Variants in SGCD observed in about 807,000 individuals in gnomAD.
SGCD encodes the protein sarcoglycan delta, also known as delta-sarcoglycan.
In SGCD, 18 loss-of-function variants were observed where a neutral mutation model predicts 36.6. The ratio of observed to expected loss-of-function variants is 0.49; its 90% CI spans 0.34 to 0.73. The LOEUF is 0.73. SGCD is among the 30% of genes least tolerant of loss of function. The probability of loss-of-function intolerance (pLI) is 0.01; values close to 1 mark genes in which losing one functional copy is unlikely to be tolerated. For synonymous variants in SGCD, 133 were observed against 130.6 expected (o/e 1.02, Z -0.12); for missense variants, 387 against 346.7 (o/e 1.12, Z -0.92).
intron 3 of SGCD, among the ~76,000 whole-genome samples, chr5:156,476,171 T>C (rs985873383): frequency 6.6e-6 from 1 of 152,158 alleles, no homozygotes; most frequent in Non-Finnish European, 1.5e-5. Context: ...TCTGGGGGTA[T>C]AGGAGAATAG....
chr5:156,501,830 C>G (rs950598569), intron 3 of SGCD, among the ~76,000 whole-genome samples: 1 of 152,162 alleles, frequency 6.6e-6, no homozygotes, highest in Non-Finnish European at 1.5e-5. Flanking sequence ...GGAGCCTGGC[C>G]TCCTCCTTCT....
At chr5:155,901,875 G>A (rs1424574885) in intron 1 of SGCD, among the ~76,000 whole-genome samples, 2 of 152,124 alleles carry the variant, frequency 1.3e-5, no homozygotes, top group Non-Finnish European at 2.9e-5. Context: ...CCACTTCATA[G>A]ATCAAGAACA....
chr5:155,847,705 C>T, the SGCD span, among the ~76,000 whole-genome samples: 6 of 152,122 alleles, frequency 3.9e-5, no homozygotes, highest in East Asian at 1.9e-4. Flanking sequence ...CTTGGAAAGG[C>T]GAAAGAGAGA....
At chr5:156,582,757 C>G (rs1238689169) in intron 4 of SGCD, among the ~76,000 whole-genome samples, 1 of 152,208 alleles carries the variant, frequency 6.6e-6, no homozygotes, top group Non-Finnish European at 1.5e-5. Context: ...TCAAGCCCGT[C>G]TCCCCACTAT....
intron 7 of SGCD, among the ~76,000 whole-genome samples, chr5:156,653,812 G>C (rs1023485087): frequency 1.3e-5 from 2 of 151,956 alleles, no homozygotes; most frequent in African/African-American, 4.8e-5. Flanking sequence ...TTAGCACTGG[G>C]CCAGTCTTAC....
At chr5:156,678,959 G>GT (rs561791991) in intron 7 of SGCD, among the ~76,000 whole-genome samples, 7 of 151,926 alleles carry the variant, frequency 4.6e-5, no homozygotes, top group Non-Finnish European at 7.4e-5. Flanking sequence ...GCAAATCAAT[G>GT]TTTTTTTTCT....
At chr5:156,074,487 G>A (rs1191318178) in intron 1 of SGCD, among the ~76,000 whole-genome samples, 1 of 151,964 alleles carries the variant, frequency 6.6e-6, no homozygotes, top group Non-Finnish European at 1.5e-5. Flanking sequence ...TTAGAAATCA[G>A]CCTGGACAGC....
intron 7 of SGCD, among the ~76,000 whole-genome samples, chr5:156,725,645 G>A (rs1309761282): frequency 2.0e-5 from 3 of 152,170 alleles, no homozygotes; most frequent in African/African-American, 7.2e-5. Flanking sequence ...GTGGCCAACA[G>A]AGATTGGCCA....
At chr5:156,297,672 A>G (rs1766931686) in intron 3 of SGCD, among the ~76,000 whole-genome samples, 1 of 151,328 alleles carries the variant, frequency 6.6e-6, no homozygotes. Flanking sequence ...TAGCATCGGG[A>G]GATATACCTA....
intron 6 of SGCD, among the ~76,000 whole-genome samples, chr5:156,595,513 T>A (rs1482229124): frequency 2.6e-5 from 4 of 152,218 alleles, no homozygotes. Flanking sequence ...TTTCCTGGAT[T>A]CTTTTAAAGC....
At chr5:156,525,396 C>A (rs569286516) in intron 4 of SGCD, among the ~76,000 whole-genome samples, 1 of 152,144 alleles carries the variant, frequency 6.6e-6, no homozygotes, top group South Asian at 2.1e-4. Context: ...TATTCAGGTT[C>A]TTTGCCAAGT....
chr5:156,098,688 T>C (rs979712551), intron 1 of SGCD, among the ~76,000 whole-genome samples: 5 of 152,208 alleles, frequency 3.3e-5, no homozygotes, highest in South Asian at 2.1e-4. Flanking sequence ...TCTCCTCTTA[T>C]AAAGTTTGTA....
the SGCD span, among the ~76,000 whole-genome samples, chr5:155,777,432 C>T: frequency 2.6e-5 from 4 of 150,948 alleles, no homozygotes; most frequent in African/African-American, 4.9e-5. Flanking sequence ...TTATTGTTCA[C>T]TGCAACTTCT....
chr5:156,385,780 G>A (rs530019301), intron 3 of SGCD, among the ~76,000 whole-genome samples: 1 of 152,318 alleles, frequency 6.6e-6, no homozygotes, highest in South Asian at 2.1e-4. Context: ...CAGAGTGATG[G>A]ATTTAGATGC....
intron 3 of SGCD, among the ~76,000 whole-genome samples, chr5:156,187,775 G>T (rs1763798744): frequency 6.6e-6 from 1 of 152,070 alleles, no homozygotes; most frequent in African/African-American, 2.4e-5. Context: ...GATGGAACTG[G>T]CCAGAGATGA....
chr5:156,283,374 A>G (rs1766507551), intron 3 of SGCD, among the ~76,000 whole-genome samples: 1 of 152,220 alleles, frequency 6.6e-6, no homozygotes, highest in Non-Finnish European at 1.5e-5. Flanking sequence ...CAGAATGATA[A>G]CACTGAAGTT....
At chr5:155,808,683 A>G in the SGCD span, among the ~76,000 whole-genome samples, 2 of 152,250 alleles carry the variant, frequency 1.3e-5, no homozygotes, top group African/African-American at 4.8e-5. Flanking sequence ...TTATCTAGCC[A>G]ATGGATTATT....
intron 1 of SGCD, among the ~76,000 whole-genome samples, chr5:155,989,611 C>A (rs1758394147): frequency 6.6e-6 from 1 of 152,068 alleles, no homozygotes; most frequent in Non-Finnish European, 1.5e-5. Flanking sequence ...AAATTACTAA[C>A]TGCTATTATT....
At chr5:156,177,608 C>T (rs1054768662) in intron 3 of SGCD, among the ~76,000 whole-genome samples, 1 of 152,126 alleles carries the variant, frequency 6.6e-6, no homozygotes, top group Non-Finnish European at 1.5e-5. Context: ...TGTACTGCAT[C>T]TATTTAAAGT....
Sources: allele counts gnomAD v4.1 joint callset (sites outside exome capture counted in the v4.1 genomes callset), GRCh38; gene constraint gnomAD v4.1.1; transcripts MANE v1.5; gene names NCBI Gene and HGNC (gene_info 2026-07-23, HGNC 2026-07-21).